Variants in SYNPO2 observed in about 807,000 individuals in gnomAD.
SYNPO2 encodes the protein synaptopodin 2.
In SYNPO2, 56 loss-of-function variants were observed where a neutral mutation model predicts 85.0. That is an observed-to-expected ratio of 0.66 (90% confidence interval 0.53 to 0.82). SYNPO2 has a LOEUF of 0.82. SYNPO2 is among the 40% of genes least tolerant of loss of function. The probability of loss-of-function intolerance (pLI) is 0.00; values close to 1 mark genes in which losing one functional copy is unlikely to be tolerated. For synonymous variants in SYNPO2, 602 were observed against 591.1 expected (o/e 1.02, Z -0.27); for missense variants, 1,575 against 1,534.2 (o/e 1.03, Z -0.44).
intron 4 of SYNPO2, among the ~76,000 whole-genome samples, chr4:119,045,908 A>G (rs993385249): frequency 6.6e-6 from 1 of 152,218 alleles, no homozygotes; most frequent in African/African-American, 2.4e-5. Context: ...AATTGCTGGT[A>G]TAGTAGTTTT....
At chr4:118,962,920 A>T (rs539512318) in intron 1 of SYNPO2, among the ~76,000 whole-genome samples, 1 of 152,346 alleles carries the variant, frequency 6.6e-6, no homozygotes, top group Admixed American at 6.5e-5. Context: ...GCTGAAGACC[A>T]GGTGGAATTG....
intron 1 of SYNPO2, among the ~76,000 whole-genome samples, chr4:118,983,906 G>C (rs1358420491): frequency 6.6e-6 from 1 of 152,124 alleles, no homozygotes; most frequent in Non-Finnish European, 1.5e-5. Flanking sequence ...CCCAAACTGA[G>C]TTCCCCTCCT....
chr4:119,049,971 C>A (rs761292808), intron 4 of SYNPO2, among the ~76,000 whole-genome samples: 3 of 152,078 alleles, frequency 2.0e-5, no homozygotes, highest in Admixed American at 6.6e-5. Flanking sequence ...TTTAAATGAC[C>A]TTTTCCAAAA....
intron 4 of SYNPO2, among the ~76,000 whole-genome samples, chr4:119,050,812 A>C (rs1739015046): frequency 2.0e-5 from 3 of 152,194 alleles, no homozygotes. Flanking sequence ...ATGCACACAG[A>C]CTGAATGTTC....
chr4:118,982,374 C>T (rs1266028736), intron 1 of SYNPO2, among the ~76,000 whole-genome samples: 1 of 152,206 alleles, frequency 6.6e-6, no homozygotes, highest in Non-Finnish European at 1.5e-5. Context: ...ATAACCCTCT[C>T]GGATGCACAT....
At position 119,031,962 on chromosome 4, in the gene SYNPO2, T is replaced by A. The variant is rs1378743743; in HGVS notation, c.3187T>A (p.Ser1063Thr). The A allele has an allele frequency of 6.2e-7, 1 of 1,614,214 alleles. No individual in the cohort carries two copies. Among genetic ancestry groups the A allele is most frequent in the South Asian group, 1.1e-5 (1 of 91,088 alleles). ...CACCTCGCCAAAGCAAGAATCAGCCTCATCATCTTATTTTGTGGCACCAAG... is the reference window on the plus strand; with the variant it reads ...CACCTCGCCAAAGCAAGAATCAGCCACATCATCTTATTTTGTGGCACCAAG... ...IPTSPKQESASSSYFVAPRPK... is the reference protein window; with the variant it reads ...IPTSPKQESATSSYFVAPRPK... Residue 1063 changes from serine to threonine, a missense_variant, in exon 4 of 5, where the codon TCA becomes ACA. This residue lies in a region of SYNPO2 where 1,508 missense variants were observed against 1,446.8 expected (regional missense o/e 1.04). Transcript: ENST00000307142.
At chr4:118,860,748 A>G (rs2389691) in intron 1 of SYNPO2, among the ~76,000 whole-genome samples, 132,533 of 151,930 alleles carry the variant, frequency 0.87, 57,917 homozygotes, top group Middle Eastern at 0.94. Flanking sequence ...GTAGATACAG[A>G]ATTTCACCAT....
In SYNPO2 at chr4:118,924,492, T is replaced by C. The variant is rs369424779; in HGVS notation, c.105+35351T>C. Among the ~76,000 whole-genome samples, 13 of 152,276 alleles carry C rather than the reference T, an allele frequency of 8.5e-5. No homozygotes were observed. In the East Asian group the frequency reaches 2.5e-3, roughly 29 times the overall value. On this transcript the variant is annotated intron_variant, in intron 1 of 4. Transcript: ENST00000307142. The stretch of plus-strand genomic sequence containing the variant: ...TGTACATCGGCAACACAGAAGTTAC[T>C]AGGGGACTCAGAGCAAAGAAGCCCG...
chr4:118,942,195 A>G (rs545844156), intron 1 of SYNPO2, among the ~76,000 whole-genome samples: 1 of 152,364 alleles, frequency 6.6e-6, no homozygotes, highest in South Asian at 2.1e-4. Flanking sequence ...TCAAAACATC[A>G]TAAAATACAG....
At chr4:119,042,743 T>C (rs1328811912) in intron 4 of SYNPO2, 1 of 152,224 alleles carries the variant, frequency 6.6e-6, no homozygotes, top group Non-Finnish European at 1.5e-5. Context: ...AGGCTGCTTA[T>C]ATGTTACAAG....
At chr4:118,872,154 T>G (rs906538325) in intron 1 of SYNPO2, among the ~76,000 whole-genome samples, 1 of 152,220 alleles carries the variant, frequency 6.6e-6, no homozygotes, top group Non-Finnish European at 1.5e-5. Context: ...GGGATACAAG[T>G]GTAATTTTAT....
chr4:119,030,857 A>AT lies in SYNPO2; in HGVS notation c.2082_2083insT (p.Pro695SerfsTer6), dbSNP rs1348762252. The AT allele has an allele frequency of 6.2e-7, 1 of 1,614,016 alleles. No homozygotes were observed. The highest frequency in any genetic ancestry group is 8.5e-7 in the Non-Finnish European group (1 of 1,180,038). Reference sequence around the variant, plus strand: ...AGGCCAAAAGGAGAAGCACGACAAAACCCATGTTTACTTTTAAAGAGCCCA... The same window carrying AT: ...AGGCCAAAAGGAGAAGCACGACAAAATCCCATGTTTACTTTTAAAGAGCCCA... On this transcript the variant is annotated frameshift_variant, in exon 4 of 5. Coordinates refer to ENST00000307142, the MANE Select transcript of SYNPO2 (RefSeq NM_133477.3). LOFTEE classifies it high-confidence loss of function.
chr4:118,890,169 T>TG (rs1732315223), intron 1 of SYNPO2, among the ~76,000 whole-genome samples: 1 of 148,462 alleles, frequency 6.7e-6, no homozygotes, highest in African/African-American at 2.4e-5. Flanking sequence ...CCTTTTACGT[T>TG]TTTTTTTTTT....
intron 1 of SYNPO2, among the ~76,000 whole-genome samples, chr4:118,874,049 T>C (rs1731853549): frequency 6.6e-6 from 1 of 152,220 alleles, no homozygotes; most frequent in African/African-American, 2.4e-5. Context: ...TATTTCTGGG[T>C]TCTCCATTCT....
Position 119,030,759 on chromosome 4 carries a change from G to T in SYNPO2, c.1984G>T (p.Asp662Tyr). Residue 662 changes from aspartate (D) to tyrosine (Y), a missense_variant, in exon 4 of 5, where the codon GAT (aspartate) becomes TAT (tyrosine). Asp to Tyr is a radical substitution (Grantham distance 160). Coordinates refer to ENST00000307142, the MANE Select transcript of SYNPO2 (RefSeq NM_133477.3). ...CCCGTGGTCCCAGCCAGCCTTTTAC[G>T]ATTCGTCTGAGCGAATAGCTTCCCG... is the stretch of plus-strand genomic sequence containing the variant. ...PAPWSQPAFYDSSERIASRDE... is the reference protein window; with the variant it reads ...PAPWSQPAFYYSSERIASRDE... The T allele has an allele frequency of 6.2e-7, 1 of 1,614,126 alleles. No individual in the cohort carries two copies.
chr4:118,901,712 T>C (rs72671610), intron 1 of SYNPO2, among the ~76,000 whole-genome samples: 27,664 of 152,156 alleles, frequency 0.18, 3,091 homozygotes, highest in South Asian at 0.32. Flanking sequence ...TGCAAAATAC[T>C]GAAAGAGAAT....
At chr4:118,961,835 G>A (rs879875330) in intron 1 of SYNPO2, among the ~76,000 whole-genome samples, 6 of 152,280 alleles carry the variant, frequency 3.9e-5, no homozygotes, top group African/African-American at 1.2e-4. Context: ...GTGATGCAAT[G>A]TATCACCAGG....
Position 119,016,866 on chromosome 4 carries a change from ATTC to A in SYNPO2, c.106-6561_106-6559del, listed in dbSNP as rs563590616. Among the ~76,000 whole-genome samples the A allele has an allele frequency of 5.9e-5, 9 of 152,324 alleles. 1 individual carries two copies. The South Asian group carries it at 1.9e-3, about 32-fold the overall frequency. ...CCTGTGGAATCACTTTGGTATGAAG[ATTC>A]TTAAGTATGCAGCCCCACAAATTAG... On this transcript the variant is annotated intron_variant, in intron 1 of 4. Coordinates refer to ENST00000307142, the MANE Select transcript of SYNPO2 (RefSeq NM_133477.3).
chr4:118,933,715 C>G (rs1734003536), intron 1 of SYNPO2, among the ~76,000 whole-genome samples: 1 of 151,856 alleles, frequency 6.6e-6, no homozygotes, highest in African/African-American at 2.4e-5. Flanking sequence ...GAGAAGTTAC[C>G]AAAACCTTAA....
Sources: gnomAD v4.1 joint callset for allele counts (sites outside exome capture counted in the v4.1 genomes callset) on GRCh38, gnomAD v4.1.1 for gene constraint, gnomAD v4.1.1 regional missense constraint, MANE v1.5 for transcripts, NCBI Gene and HGNC (gene_info 2026-07-23, HGNC 2026-07-21) for gene names.